VDAC1: variants seen among roughly 807,000 people sequenced by gnomAD.
VDAC1 encodes voltage dependent anion channel 1, also known as non-selective voltage-gated ion channel VDAC1.
A neutral mutation model predicts 34.7 loss-of-function variants in VDAC1; 10 were observed. The ratio of observed to expected loss-of-function variants is 0.29; its 90% CI spans 0.18 to 0.49. VDAC1 has a LOEUF of 0.49. Ranked by LOEUF, VDAC1 falls within the 20% of genes least tolerant of loss-of-function variation. VDAC1 has a pLI of 0.99. For synonymous variants in VDAC1, 130 were observed against 136.0 expected, an observed-to-expected ratio of 0.96 and a Z score of 0.30; for missense variants, 230 against 347.9, an observed-to-expected ratio of 0.66 and a Z score of 2.69.
the VDAC1 span, among the ~76,000 whole-genome samples, chr5:134,041,489 G>A: frequency 6.6e-6 from 1 of 152,166 alleles, no homozygotes; most frequent in African/African-American, 2.4e-5. Context: ...AGAATATAAG[G>A]TGCTTATCCA....
the VDAC1 span, among the ~76,000 whole-genome samples, chr5:134,106,076 A>C: frequency 2.0e-5 from 3 of 152,188 alleles, no homozygotes; most frequent in African/African-American, 7.2e-5. Context: ...TGGAATAGGC[A>C]GGCCCGAGTG....
At chr5:133,982,390 T>C (rs1369821802) in intron 5 of VDAC1, among the ~76,000 whole-genome samples, 1 of 150,522 alleles carries the variant, frequency 6.6e-6, no homozygotes, top group Non-Finnish European at 1.5e-5. Flanking sequence ...TGGGCGTGTG[T>C]AATCCCAGCT....
chr5:134,041,647 A>G, the VDAC1 span, among the ~76,000 whole-genome samples: 2 of 152,208 alleles, frequency 1.3e-5, no homozygotes, highest in African/African-American at 4.8e-5. Flanking sequence ...ACTCAAACTC[A>G]GAGAAACGCA....
chr5:134,035,591 G>A, the VDAC1 span, among the ~76,000 whole-genome samples: 1 of 152,130 alleles, frequency 6.6e-6, no homozygotes, highest in African/African-American at 2.4e-5. Flanking sequence ...ATAACCCACT[G>A]AATAAATGTC....
At chr5:134,036,294 A>T in the VDAC1 span, among the ~76,000 whole-genome samples, 3 of 152,190 alleles carry the variant, frequency 2.0e-5, no homozygotes, top group Non-Finnish European at 4.4e-5. Flanking sequence ...CCGTCCTCTG[A>T]GAATAGCACG....
chr5:134,052,932 A>G, the VDAC1 span, among the ~76,000 whole-genome samples: 1 of 152,162 alleles, frequency 6.6e-6, no homozygotes, highest in East Asian at 1.9e-4. Context: ...CCTGACCAAT[A>G]TGGTGAAACC....
upstream of VDAC1, among the ~76,000 whole-genome samples, chr5:134,009,400 A>G (rs908203139): frequency 6.6e-6 from 1 of 151,628 alleles, no homozygotes; most frequent in African/African-American, 2.4e-5. Flanking sequence ...CTGGGATTAC[A>G]GGTACACGAC....
At chr5:134,099,173 C>T in the VDAC1 span, among the ~76,000 whole-genome samples, 4 of 152,126 alleles carry the variant, frequency 2.6e-5, no homozygotes, top group Admixed American at 6.5e-5. Flanking sequence ...TGCTTCAGGT[C>T]GAGCACAGAC....
chr5:134,050,469 C>G, the VDAC1 span, among the ~76,000 whole-genome samples: 12 of 152,098 alleles, frequency 7.9e-5, no homozygotes, highest in Non-Finnish European at 5.9e-5. Context: ...CAAGCCCCCC[C>G]AGCAACTGTT....
the VDAC1 span, among the ~76,000 whole-genome samples, chr5:134,064,801 T>C: frequency 2.0e-5 from 3 of 151,814 alleles, no homozygotes; most frequent in South Asian, 6.3e-4. Flanking sequence ...CACTGTGACC[T>C]CTGCTCCCTG....
chr5:133,972,226 C>T lies in VDAC1; in HGVS notation c.*545G>A, dbSNP rs1051907050. 2.9e-5 allele frequency: 5 copies of T among 173,956 alleles called. No homozygotes were observed. Among genetic ancestry groups the T allele is most frequent in the African/African-American group, 9.4e-5 (4 of 42,474 alleles). 10.8% of individuals were successfully genotyped at this position (173,956 alleles called of 1,614,324 possible). ...TCCTGAATTATTGGCTTCATCACAT[C>T]CACCTTCTCCACCCCAAAATGGCAC... On this transcript the variant is annotated 3_prime_UTR_variant, in exon 9 of 9. Transcript: ENST00000265333.
At chr5:134,068,200 A>AT in the VDAC1 span, among the ~76,000 whole-genome samples, 25 of 151,278 alleles carry the variant, frequency 1.7e-4, no homozygotes, top group South Asian at 4.2e-4. Flanking sequence ...CTATCAGTTT[A>AT]TTTTTTTTTC....
chr5:134,058,869 C>G, the VDAC1 span, among the ~76,000 whole-genome samples: 1 of 152,206 alleles, frequency 6.6e-6, no homozygotes, highest in African/African-American at 2.4e-5. Flanking sequence ...AACTGCAGCC[C>G]CAGCAGACAG....
the VDAC1 span, chr5:134,082,036 A>G: frequency 6.3e-6 from 1 of 158,266 alleles, no homozygotes; most frequent in Non-Finnish European, 1.4e-5. Flanking sequence ...TAGTAACTGG[A>G]GCATGATCGT....
At chr5:134,055,262 G>A in the VDAC1 span, among the ~76,000 whole-genome samples, 11 of 152,168 alleles carry the variant, frequency 7.2e-5, no homozygotes, top group Admixed American at 2.6e-4. Flanking sequence ...GTTGGACCCC[G>A]CTGTGGTGGC....
At chr5:134,018,007 T>A in the VDAC1 span, among the ~76,000 whole-genome samples, 1 of 152,262 alleles carries the variant, frequency 6.6e-6, no homozygotes, top group East Asian at 1.9e-4. Context: ...CACCCCTCTA[T>A]GCAGGTTGCA....
At chr5:133,981,756 C>G (rs967648093) in intron 5 of VDAC1, among the ~76,000 whole-genome samples, 1 of 152,186 alleles carries the variant, frequency 6.6e-6, no homozygotes, top group African/African-American at 2.4e-5. Context: ...CACTGGAGAA[C>G]AAGATCACAT....
At chr5:133,985,361 A>C (rs1279117602) in intron 5 of VDAC1, among the ~76,000 whole-genome samples, 1 of 152,164 alleles carries the variant, frequency 6.6e-6, no homozygotes, top group Non-Finnish European at 1.5e-5. Context: ...TTATCTCTCA[A>C]TAAGAAAAAT....
chr5:134,072,892 A>G, the VDAC1 span, among the ~76,000 whole-genome samples: 1 of 152,164 alleles, frequency 6.6e-6, no homozygotes, highest in South Asian at 2.1e-4. Context: ...TGTTTCTGTT[A>G]TGAAAACCCC....
Sources: allele counts gnomAD v4.1 joint callset (sites outside exome capture counted in the v4.1 genomes callset), GRCh38; gene constraint gnomAD v4.1.1; transcripts MANE v1.5; gene names NCBI Gene and HGNC (gene_info 2026-07-23, HGNC 2026-07-21).